HOOK3: variants seen among roughly 807,000 people sequenced by gnomAD.
HOOK3 encodes protein Hook homolog 3.
In HOOK3, 24 loss-of-function variants were observed where a neutral mutation model predicts 116.3. The observed-to-expected ratio is 0.21, with a 90% CI of 0.15 to 0.29. The LOEUF (loss-of-function observed/expected upper bound fraction) is 0.29, where lower values mean the gene tolerates loss of function less well. Among genes scored for constraint, HOOK3 ranks in the 10% least tolerant of loss-of-function variants. HOOK3 has a pLI of 1.00. For synonymous variants in HOOK3, 275 were observed against 283.0 expected (o/e 0.97, Z 0.28); for missense variants, 632 against 830.2 (o/e 0.76, Z 2.93).
At chr8:43,011,387 A>G (rs1257758394) in intron 19 of HOOK3, among the ~76,000 whole-genome samples, 1 of 152,094 alleles carries the variant, frequency 6.6e-6, no homozygotes, top group Non-Finnish European at 1.5e-5. Context: ...AAGGTTATGC[A>G]TTATGAGGCC....
chr8:42,968,157 G>A lies in HOOK3; in HGVS notation c.1065G>A (p.Glu355=). ...TMYMQNTVSL[E]EELRKANAAR... The stretch of plus-strand genomic sequence containing the variant: ...ATATGCAGAATACTGTCAGTCTAGA[G>A]GAAGAGTTAAGAAAGGCCAACGCAG... Residue 355 remains glutamate, a synonymous_variant, in exon 11 of 22, where the codon GAG becomes GAA. Transcript: ENST00000307602. The A allele has an allele frequency of 6.2e-7, 1 of 1,613,968 alleles. No individual in the cohort carries two copies. Among genetic ancestry groups the A allele is most frequent in the Non-Finnish European group, 8.5e-7 (1 of 1,179,916 alleles).
chr8:42,898,834 TCC>T (rs1807121049), intron 1 of HOOK3, among the ~76,000 whole-genome samples: 1 of 152,196 alleles, frequency 6.6e-6, no homozygotes, highest in East Asian at 1.9e-4. Context: ...CGCCTAACCG[TCC>T]AAACGGTAGC....
chr8:42,937,079 A>T (rs759880628), intron 4 of HOOK3, among the ~76,000 whole-genome samples: 11 of 152,074 alleles, frequency 7.2e-5, no homozygotes, highest in Non-Finnish European at 1.6e-4. Context: ...TTATTGGTGT[A>T]TTCAGGGATT....
intron 13 of HOOK3, among the ~76,000 whole-genome samples, chr8:42,978,081 T>C (rs1808862721): frequency 6.6e-6 from 1 of 152,078 alleles, no homozygotes; most frequent in South Asian, 2.1e-4. Context: ...ATAACTTATT[T>C]CTCCAGAGCC....
chr8:42,964,394 A>G lies in HOOK3; in HGVS notation c.699A>G (p.Ile233Met), dbSNP rs769720548. 6.2e-7 allele frequency: 1 copy of G among 1,614,152 alleles called. No homozygotes were observed. Among genetic ancestry groups the G allele is most frequent in the Admixed American group, 1.7e-5 (1 of 60,034 alleles). ...AAAGACTCAATCAATCTGATTCTAT[A>G]GAAGACCCTAACAGTCCAGCAGGAA... ...LMERLNQSDS[I>M]EDPNSPAGRR... The change falls in exon 9 of 22, where the codon ATA (isoleucine) becomes ATG (methionine). Residue 233 changes from isoleucine (I) to methionine (M), a missense_variant. Coordinates refer to ENST00000307602, the MANE Select transcript of HOOK3 (RefSeq NM_032410.4).
intron 2 of HOOK3, among the ~76,000 whole-genome samples, chr8:42,913,325 GCT>G (rs2130336275): frequency 6.6e-6 from 1 of 152,108 alleles, no homozygotes; most frequent in East Asian, 1.9e-4. Context: ...ACACTGCTCT[GCT>G]TTCTGTCATT....
intron 11 of HOOK3, among the ~76,000 whole-genome samples, chr8:42,972,863 G>A (rs1808750244): frequency 6.6e-6 from 1 of 152,130 alleles, no homozygotes; most frequent in African/African-American, 2.4e-5. Flanking sequence ...GTTATCGGCA[G>A]TTGACACCTC....
rs1554516968 is a variant in HOOK3, at chr8:43,019,243, G to T, written c.*745G>T. 2 of 211,992 alleles carry T rather than the reference G, an allele frequency of 9.4e-6. No individual in the cohort carries two copies. Among genetic ancestry groups the T allele is most frequent in the Non-Finnish European group, 1.9e-5 (2 of 105,022 alleles). The allele number at this position is 211,992 out of a possible 1,614,324, so 13.1% of individuals were successfully genotyped here. ...GGTTATTTTGGGATAAATTACAAAA[G>T]AAAAAAAATTAGACACTGCATTAAT... On this transcript the variant is annotated 3_prime_UTR_variant, in exon 22 of 22. Coordinates refer to ENST00000307602, the MANE Select transcript of HOOK3 (RefSeq NM_032410.4).
intron 17 of HOOK3, 121 bp from the exon 18 acceptor site, chr8:43,007,726 A>G (rs565168172): frequency 4.6e-5 from 22 of 475,350 alleles, no homozygotes; most frequent in Non-Finnish European, 7.6e-5. Flanking sequence ...CTTTTCATAT[A>G]TGTTTCATAT....
At chr8:42,925,101 T>C (rs745754097) in intron 2 of HOOK3, among the ~76,000 whole-genome samples, 2 of 152,040 alleles carry the variant, frequency 1.3e-5, no homozygotes, top group Non-Finnish European at 2.9e-5. Flanking sequence ...GTTCGGTTTT[T>C]TGTTTGTTTG....
chr8:43,004,816 A>G (rs184685582), intron 17 of HOOK3, among the ~76,000 whole-genome samples: 3 of 152,206 alleles, frequency 2.0e-5, no homozygotes, highest in African/African-American at 7.2e-5. Context: ...TGGTAGGAGC[A>G]TACATCAGTC....
intron 2 of HOOK3, among the ~76,000 whole-genome samples, chr8:42,914,564 C>T (rs1278365429): frequency 1.3e-5 from 2 of 152,198 alleles, no homozygotes; most frequent in African/African-American, 2.4e-5. Context: ...TGGCCCTTCA[C>T]CTGCATGCTG....
At chr8:42,953,077 A>G (rs1273406120) in intron 6 of HOOK3, among the ~76,000 whole-genome samples, 2 of 152,004 alleles carry the variant, frequency 1.3e-5, no homozygotes, top group Non-Finnish European at 2.9e-5. Flanking sequence ...GCCAGATATT[A>G]CCCACCTAGC....
At chr8:42,979,731 G>T (rs538876401) in intron 13 of HOOK3, among the ~76,000 whole-genome samples, 1 of 151,880 alleles carries the variant, frequency 6.6e-6, no homozygotes, top group Non-Finnish European at 1.5e-5. Context: ...ACTCTCCTTC[G>T]TTATTCTCTT....
chr8:42,939,889 G>T (rs551568263), intron 4 of HOOK3, among the ~76,000 whole-genome samples: 2,061 of 151,366 alleles, frequency 0.014, 42 homozygotes, highest in African/African-American at 0.047. Context: ...ACGATGGGCG[G>T]CCGGGCAGAG....
intron 14 of HOOK3, among the ~76,000 whole-genome samples, chr8:42,984,324 C>T (rs891991071): frequency 5.3e-5 from 8 of 150,582 alleles, no homozygotes; most frequent in African/African-American, 1.2e-4. Flanking sequence ...GCCGAGATCG[C>T]GCCATTGCAC....
intron 13 of HOOK3, among the ~76,000 whole-genome samples, chr8:42,975,349 C>T (rs1440521446): frequency 1.3e-5 from 2 of 152,192 alleles, no homozygotes; most frequent in East Asian, 3.8e-4. Flanking sequence ...AGTCTCTTGC[C>T]ATGGCCTCAT....
At chr8:42,969,013 A>G (rs558083218) in intron 11 of HOOK3, among the ~76,000 whole-genome samples, 2 of 152,144 alleles carry the variant, frequency 1.3e-5, no homozygotes, top group Non-Finnish European at 2.9e-5. Flanking sequence ...GTTTATCATG[A>G]TAGGTATAGC....
chr8:42,946,915 C>A (rs936429518), intron 5 of HOOK3, among the ~76,000 whole-genome samples: 4 of 151,744 alleles, frequency 2.6e-5, no homozygotes, highest in African/African-American at 9.7e-5. Flanking sequence ...ATTACAGGTG[C>A]ACGTGCCACC....
Sources: allele counts gnomAD v4.1 joint callset (sites outside exome capture counted in the v4.1 genomes callset), GRCh38; gene constraint gnomAD v4.1.1; transcripts MANE v1.5; gene names NCBI Gene and HGNC (gene_info 2026-07-23, HGNC 2026-07-21).